The following JAKMIP1 variants were observed in gnomAD, a reference collection of about 807,000 sequenced individuals.
JAKMIP1 encodes the protein janus kinase and microtubule-interacting protein 1.
A neutral mutation model predicts 113.0 loss-of-function variants in JAKMIP1; 33 were observed. The observed-to-expected ratio is 0.29, with a 90% confidence interval of 0.22 to 0.39. The LOEUF (loss-of-function observed/expected upper bound fraction) is 0.39, where lower values mean the gene tolerates loss of function less well. Among genes scored for constraint, JAKMIP1 ranks in the 10% least tolerant of loss-of-function variants. The pLI, the probability that JAKMIP1 is intolerant of heterozygous loss-of-function variation, is 1.00. For missense variants in JAKMIP1, 813 were observed against 1,080.5 expected (o/e 0.75, Z 3.47); for synonymous variants, 480 against 459.9 (o/e 1.04, Z -0.56).
At chr4:6,171,389 TCACCATTATCACCAACCAC>T (rs1724684556) in intron 1 of JAKMIP1, among the ~76,000 whole-genome samples, 1 of 143,718 alleles carries the variant, frequency 7.0e-6, no homozygotes, top group Non-Finnish European at 1.5e-5. Flanking sequence ...ATCACCACCA[TCACCATTATCACCAACCAC>T]CACCATCATC....
chr4:6,168,618 C>T lies in JAKMIP1; in HGVS notation c.-148+31635G>A, dbSNP rs538475892. ...GGAAATCCATAGGGATGGCCAGGCA[C>T]GGTGGCTCACACCTGTAATCCCAGC... is the stretch of plus-strand genomic sequence containing the variant. On this transcript the variant is annotated intron_variant, in intron 1 of 20. Transcript: ENST00000409021. This position sits in a 1 kb window ranked among gnomAD's most constrained non-coding sequence, Gnocchi z 4.6. Among the ~76,000 whole-genome samples the T allele has an allele frequency of 1.2e-4, 18 of 152,122 alleles. No individual in the cohort carries two copies. The highest frequency in any genetic ancestry group is 3.9e-4 in the Admixed American group (6 of 15,278).
At chr4:6,172,205 G>T (rs1261963649) in intron 1 of JAKMIP1, among the ~76,000 whole-genome samples, 1 of 152,212 alleles carries the variant, frequency 6.6e-6, no homozygotes, top group African/African-American at 2.4e-5. Context: ...GCTGCTCAGG[G>T]CAAAGGATGC....
At position 6,028,453 on chromosome 4, in the gene JAKMIP1, C is replaced by T. The variant is rs761537883; in HGVS notation, c.2445+1263G>A. On this transcript the variant is annotated intron_variant, in intron 20 of 20. Transcript: ENST00000409021. ...GAAGGTGATTTCATCTGCATGGAGC[C>T]GACTGTCATGAGAGAAGGGAGAGGA... Among the ~76,000 whole-genome samples, 18 of 152,306 alleles carry T rather than the reference C, an allele frequency of 1.2e-4. 1 individual carries two copies. The highest frequency in any genetic ancestry group is 3.9e-4 in the East Asian group (2 of 5,174).
At chr4:6,035,831 T>C (rs1713350761) in intron 19 of JAKMIP1, 73 bp downstream of exon 19, 1 of 1,322,560 alleles carries the variant, frequency 7.6e-7, no homozygotes, top group African/African-American at 1.5e-5. Flanking sequence ...CAGAGGCCCA[T>C]CAGGGTGCCA....
rs1335899824 is a variant in JAKMIP1, at chr4:6,199,268, C to T, written c.-148+985G>A. Among the ~76,000 whole-genome samples the T allele has an allele frequency of 6.6e-6, 1 of 152,236 alleles. No homozygotes were observed. The highest frequency in any genetic ancestry group is 1.5e-5 in the Non-Finnish European group (1 of 68,038). ...GGCAGAGGCTGGCGGAGAGCCGAGG[C>T]TGGCCCAGCCTTCAGGAGACCGGCG... On this transcript the variant is annotated intron_variant, in intron 1 of 20. Transcript: ENST00000409021. This position sits in a 1 kb window ranked among gnomAD's most constrained non-coding sequence, Gnocchi z 5.6.
At chr4:6,082,491 A>T (rs1288081678) in intron 5 of JAKMIP1, among the ~76,000 whole-genome samples, 2 of 151,160 alleles carry the variant, frequency 1.3e-5, no homozygotes, top group Non-Finnish European at 3.0e-5. Flanking sequence ...TTTTCGAGAC[A>T]GAAGGTAGGT....
Position 6,091,845 on chromosome 4 carries a change from G to A in JAKMIP1, c.625-6216C>T, listed in dbSNP as rs540751719. Among the ~76,000 whole-genome samples the A allele has an allele frequency of 6.6e-5, 10 of 152,288 alleles. No individual in the cohort carries two copies. The South Asian group carries it at 2.1e-3, about 32-fold the overall frequency. Reference sequence around the variant, plus strand: ...GGTTTGTCACCAACTGTGGGACCCAGGCTATAGCTGGATGAGGACTTTAAA... The same window carrying A: ...GGTTTGTCACCAACTGTGGGACCCAAGCTATAGCTGGATGAGGACTTTAAA... On this transcript the variant is annotated intron_variant, in intron 3 of 20. Coordinates refer to ENST00000409021, the MANE Select transcript of JAKMIP1 (RefSeq NM_001099433.2).
At chr4:6,144,874 G>C (rs1032234140) in intron 1 of JAKMIP1, among the ~76,000 whole-genome samples, 1 of 152,290 alleles carries the variant, frequency 6.6e-6, no homozygotes, top group Non-Finnish European at 1.5e-5. Context: ...TGAGGTTTTA[G>C]TCAGGGCAAC....
intron 19 of JAKMIP1, 125 bp from the exon 20 acceptor site, chr4:6,029,906 G>A: frequency 1.4e-6 from 1 of 693,766 alleles, no homozygotes; most frequent in Admixed American, 2.1e-5. Context: ...GCAGCCTGAT[G>A]AGCTCTGATA....
intron 1 of JAKMIP1, among the ~76,000 whole-genome samples, chr4:6,117,987 T>C (rs904223071): frequency 2.0e-4 from 31 of 152,194 alleles, no homozygotes; most frequent in African/African-American, 6.0e-4. Flanking sequence ...ATTTGTGTAG[T>C]TAACGCAATT....
intron 1 of JAKMIP1, among the ~76,000 whole-genome samples, chr4:6,115,686 G>A (rs953010751): frequency 2.0e-5 from 3 of 152,200 alleles, no homozygotes; most frequent in Non-Finnish European, 2.9e-5. Context: ...CTGCTTTTAA[G>A]AGGAAACAGT....
chr4:6,112,790 T>C lies in JAKMIP1; in HGVS notation c.61A>G (p.Met21Val), dbSNP rs1715161235. The C allele has an allele frequency of 2.5e-6, 4 of 1,614,142 alleles. No homozygotes were observed. The highest frequency in any genetic ancestry group is 3.4e-6 in the Non-Finnish European group (4 of 1,180,046). ...TTGGCCCGCAGCTCCTCGTTGGCCA[T>C]CTGCACCGCGTCCGTCTCCATCTCG... is the stretch of plus-strand genomic sequence containing the variant. ...KPEMETDAVQ[M>V]ANEELRAKLT... Residue 21 changes from methionine (M) to valine (V), a missense_variant, in exon 2 of 21, where the codon ATG becomes GTG. This residue lies in a region of JAKMIP1 where 540 missense variants were observed against 653.9 expected (regional missense o/e 0.83). Transcript: ENST00000409021.
rs1716489446 is a variant in JAKMIP1 at position 6,056,501 on chromosome 4, C to T, written c.1707+196G>A. ...CTAAACCAGCTCTGCAGACCTGGTC[C>T]CAGAGGATAGAACCACAGATGTGGC... is the stretch of plus-strand genomic sequence containing the variant. On this transcript the variant is annotated intron_variant, in intron 12 of 20. Transcript: ENST00000409021. Among the ~76,000 whole-genome samples the T allele has an allele frequency of 2.0e-5, 3 of 152,356 alleles. No individual in the cohort carries two copies. In the South Asian group the frequency reaches 6.2e-4, roughly 32 times the overall value.
Position 6,139,862 on chromosome 4 carries a change from G to A in JAKMIP1, c.-147-26865C>T, listed in dbSNP as rs1719850327. On this transcript the variant is annotated intron_variant, in intron 1 of 20. Coordinates refer to ENST00000409021, the MANE Select transcript of JAKMIP1 (RefSeq NM_001099433.2). This position sits in a 1 kb window ranked among gnomAD's most constrained non-coding sequence, Gnocchi z 5.2. ...GAGAACACCATGTGACGACGAAGGA[G>A]GAGGTCACGGGGCAGATTCCACGAG... Among the ~76,000 whole-genome samples the A allele has an allele frequency of 6.6e-6, 1 of 152,078 alleles. No individual in the cohort carries two copies. The highest frequency in any genetic ancestry group is 1.5e-5 in the Non-Finnish European group (1 of 68,030).
At position 6,067,481 on chromosome 4, in the gene JAKMIP1, C is replaced by T. The variant is rs1444717525; in HGVS notation, c.1303-2473G>A. On this transcript the variant is annotated intron_variant, in intron 8 of 20. Coordinates refer to ENST00000409021, the MANE Select transcript of JAKMIP1 (RefSeq NM_001099433.2). The surrounding 1 kb of genome is among the most constrained non-coding windows in gnomAD (Gnocchi z 4.6). ...CTCCCCTCTGGATGAGAACCCCACC[C>T]GACTTCAGGCATCATGGACTCTTCC... Among the ~76,000 whole-genome samples the T allele has an allele frequency of 3.3e-5, 5 of 152,186 alleles. No individual in the cohort carries two copies. The highest frequency in any genetic ancestry group is 1.3e-4 in the Admixed American group (2 of 15,276).
rs1205372782 is a variant in JAKMIP1, at chr4:6,076,418, T to G, written c.1302+2521A>C. On this transcript the variant is annotated intron_variant, in intron 8 of 20. Transcript: ENST00000409021. This position sits in a 1 kb window ranked among gnomAD's most constrained non-coding sequence, Gnocchi z 4.8. ...TTTCTATATTATATATATATATGTC[T>G]TCTGTAGCTGTAAAATTGAAAAAAT... Among the ~76,000 whole-genome samples, 1 of 152,128 alleles carries G rather than the reference T, an allele frequency of 6.6e-6. No individual in the cohort carries two copies. Among genetic ancestry groups the G allele is most frequent in the Non-Finnish European group, 1.5e-5 (1 of 68,022 alleles).
Position 6,094,628 on chromosome 4 carries a change from C to T in JAKMIP1, c.625-8999G>A, listed in dbSNP as rs1309806906. On this transcript the variant is annotated intron_variant, in intron 3 of 20. Coordinates refer to ENST00000409021, the MANE Select transcript of JAKMIP1 (RefSeq NM_001099433.2). The surrounding 1 kb of genome is among the most constrained non-coding windows in gnomAD (Gnocchi z 4.2). ...TTCCTCCTACCTTGTCAAACTAGTT[C>T]CCAACAGTGGCACTCTTTCAAAAAT... Among the ~76,000 whole-genome samples, 1 of 152,192 alleles carries T rather than the reference C, an allele frequency of 6.6e-6. No homozygotes were observed. The highest frequency in any genetic ancestry group is 1.9e-4 in the East Asian group (1 of 5,178).
intron 18 of JAKMIP1, among the ~76,000 whole-genome samples, chr4:6,039,016 G>A (rs909443964): frequency 1.3e-5 from 2 of 152,240 alleles, no homozygotes; most frequent in Non-Finnish European, 2.9e-5. Flanking sequence ...CTTCCTGACT[G>A]TTCATGAGAA....
At position 6,066,874 on chromosome 4, in the gene JAKMIP1, C is replaced by T. The variant is rs188609947; in HGVS notation, c.1303-1866G>A. 4.6e-3 allele frequency among the ~76,000 whole-genome samples: 701 copies of T among 152,300 alleles called. 3 individuals are homozygous for T. Among genetic ancestry groups the T allele is most frequent in the Non-Finnish European group, 7.9e-3 (536 of 68,016 alleles). ...ACCTCCCATCCTGCCCTGGCATCAT[C>T]CCTCCCTCTCCTCCTCCGCTCCAGG... On this transcript the variant is annotated intron_variant, in intron 8 of 20. Transcript: ENST00000409021.
Sources: allele counts gnomAD v4.1 joint callset (sites outside exome capture counted in the v4.1 genomes callset), GRCh38; gene constraint gnomAD v4.1.1; regional missense constraint gnomAD v4.1.1; non-coding constraint Gnocchi (gnomAD v3.1); transcripts MANE v1.5; gene names NCBI Gene and HGNC (gene_info 2026-07-23, HGNC 2026-07-21).